AKAP13: variants seen among roughly 807,000 people sequenced by gnomAD.
AKAP13 encodes the protein A-kinase anchor protein 13.
A neutral mutation model predicts 264.5 loss-of-function variants in AKAP13; 80 were observed. That is an observed-to-expected ratio of 0.30 (90% confidence interval 0.25 to 0.36). AKAP13 has a LOEUF of 0.36. AKAP13 is among the 10% of genes least tolerant of loss of function. The probability of loss-of-function intolerance (pLI) is 1.00; values close to 1 mark genes in which losing one functional copy is unlikely to be tolerated. For missense variants in AKAP13, 3,712 were observed against 3,435.2 expected, an observed-to-expected ratio of 1.08 and a Z score of -2.01; for synonymous variants, 1,380 against 1,250.2, an observed-to-expected ratio of 1.10 and a Z score of -2.19.
chr15:85,589,664 C>G lies in AKAP13; in HGVS notation c.4161+3841C>G, dbSNP rs192361434. Among the ~76,000 whole-genome samples, 9 of 145,130 alleles carry G rather than the reference C, an allele frequency of 6.2e-5. No individual in the cohort carries two copies. In the South Asian group the frequency reaches 1.8e-3, roughly 28 times the overall value. On this transcript the variant is annotated intron_variant, in intron 8 of 36. Coordinates refer to ENST00000394518, the MANE Select transcript of AKAP13 (RefSeq NM_007200.5). The stretch of plus-strand genomic sequence containing the variant: ...CCGGGAGGTTGCAGTGAGCCGAGAT[C>G]GCACCACTGCACTCCAGCCTGGGCG...
At chr15:85,490,248 A>G (rs2075684908) in intron 2 of AKAP13, among the ~76,000 whole-genome samples, 1 of 152,232 alleles carries the variant, frequency 6.6e-6, no homozygotes, top group Non-Finnish European at 1.5e-5. Context: ...ATTAGACTAT[A>G]GGGAGTGAAA....
intron 1 of AKAP13, among the ~76,000 whole-genome samples, chr15:85,385,812 C>G (rs547049578): frequency 1.3e-5 from 2 of 152,002 alleles, no homozygotes; most frequent in Non-Finnish European, 2.9e-5. Context: ...TTTTACTTGT[C>G]TTAATAATGT....
chr15:85,725,559 C>T lies in AKAP13; in HGVS notation c.6746-851C>T, dbSNP rs971535567. ...TTTCTTCATAGCTTTGCAGTGAATTCCACAGAAAGGGGATTTCAGTTGCGG... is the reference window on the plus strand; with the variant it reads ...TTTCTTCATAGCTTTGCAGTGAATTTCACAGAAAGGGGATTTCAGTTGCGG... On this transcript the variant is annotated intron_variant, in intron 26 of 36. Transcript: ENST00000394518. Among the ~76,000 whole-genome samples, 13 of 152,278 alleles carry T rather than the reference C, an allele frequency of 8.5e-5. No homozygotes were observed. The East Asian group carries it at 1.5e-3, about 18-fold the overall frequency.
intron 5 of AKAP13, among the ~76,000 whole-genome samples, chr15:85,562,078 CAA>C: frequency 6.6e-6 from 1 of 152,188 alleles, no homozygotes. Flanking sequence ...TCCTGACCTG[CAA>C]ATTACGGTAA....
chr15:85,415,057 A>G (rs1203227151), intron 1 of AKAP13, among the ~76,000 whole-genome samples: 2 of 152,112 alleles, frequency 1.3e-5, no homozygotes, highest in African/African-American at 4.8e-5. Context: ...TTTTGCTCTC[A>G]GGTTTGGGGT....
In AKAP13 at chr15:85,746,223, A is replaced by C. The variant is rs554796734; in HGVS notation, c.*1546A>C. The C allele has an allele frequency of 2.0e-5, 3 of 152,642 alleles. No homozygotes were observed. Among genetic ancestry groups the C allele is most frequent in the African/African-American group, 2.4e-5 (1 of 41,520 alleles). 9.5% of individuals were successfully genotyped at this position (152,642 alleles called of 1,614,324 possible). On this transcript the variant is annotated 3_prime_UTR_variant, in exon 37 of 37. Coordinates refer to ENST00000394518, the MANE Select transcript of AKAP13 (RefSeq NM_007200.5). ...TTGCAAGCTGGCCTTGCAGATGGAG[A>C]TATTTATCTTTCAGTTTATTTGAAA...
chr15:85,557,674 G>T (rs1490203863), intron 5 of AKAP13, among the ~76,000 whole-genome samples: 2 of 152,056 alleles, frequency 1.3e-5, no homozygotes, highest in East Asian at 3.9e-4. Flanking sequence ...ATGAGGTCTT[G>T]TATGTTGCCC....
intron 3 of AKAP13, among the ~76,000 whole-genome samples, chr15:85,528,299 G>T (rs548174974): frequency 1.8e-4 from 28 of 152,202 alleles, no homozygotes; most frequent in Middle Eastern, 3.4e-3. Flanking sequence ...TCTCACCTAG[G>T]TGCTCCTTGT....
At chr15:85,454,279 TCTGTTGGTCAGA>T in intron 1 of AKAP13, among the ~76,000 whole-genome samples, 1 of 152,242 alleles carries the variant, frequency 6.6e-6, no homozygotes, top group East Asian at 1.9e-4. Flanking sequence ...TCCACATGGC[TCTGTTGGTCAGA>T]CTGAAGACTG....
chr15:85,601,598 C>T (rs996118800), intron 8 of AKAP13, among the ~76,000 whole-genome samples: 10 of 87,076 alleles, frequency 1.1e-4, no homozygotes, highest in Non-Finnish European at 5.3e-5. Context: ...TCTTCTCTCA[C>T]CTGAATTCTT....
At chr15:85,688,893 G>GA (rs762777551) in intron 16 of AKAP13, among the ~76,000 whole-genome samples, 5 of 152,196 alleles carry the variant, frequency 3.3e-5, no homozygotes, top group Non-Finnish European at 7.3e-5. Context: ...TAGTATCTTT[G>GA]AGAGATAGTG....
intron 2 of AKAP13, among the ~76,000 whole-genome samples, chr15:85,498,094 G>A (rs994752483): frequency 3.3e-5 from 5 of 151,782 alleles, no homozygotes; most frequent in African/African-American, 1.2e-4. Flanking sequence ...GAATGGTGTA[G>A]CATCAATGAG....
chr15:85,511,046 C>G (rs1001353512), intron 2 of AKAP13, among the ~76,000 whole-genome samples: 3 of 151,900 alleles, frequency 2.0e-5, no homozygotes, highest in Admixed American at 6.6e-5. Flanking sequence ...CCATTTAAGG[C>G]TAGAGAAAAA....
chr15:85,426,932 C>T (rs1466235929), intron 1 of AKAP13, among the ~76,000 whole-genome samples: 1 of 151,094 alleles, frequency 6.6e-6, no homozygotes, highest in Non-Finnish European at 1.5e-5. Flanking sequence ...TTCCACACAA[C>T]CTCCTTAGTA....
intron 5 of AKAP13, among the ~76,000 whole-genome samples, chr15:85,560,128 T>TAAA (rs55715424): frequency 2.6e-4 from 14 of 54,580 alleles, no homozygotes; most frequent in African/African-American, 7.3e-4. Flanking sequence ...TGTCTCCACC[T>TAAA]AAAAAAAAAA....
intron 5 of AKAP13, among the ~76,000 whole-genome samples, chr15:85,562,883 TTTGTA>T (rs1158348502): frequency 3.4e-5 from 5 of 147,142 alleles, no homozygotes; most frequent in African/African-American, 1.0e-4. Context: ...TTTTTTTTTT[TTTGTA>T]TTTTTAGTAG....
intron 1 of AKAP13, among the ~76,000 whole-genome samples, chr15:85,454,940 C>A (rs2074233598): frequency 1.3e-5 from 2 of 152,146 alleles, no homozygotes; most frequent in South Asian, 4.1e-4. Context: ...TTTTTAGGCA[C>A]CAAAAATCAC....
rs1333770431 is a variant in AKAP13, at chr15:85,563,352, TTTA to T, written c.663-11778_663-11776del. 7.1e-4 allele frequency among the ~76,000 whole-genome samples: 88 copies of T among 124,430 alleles called. 1 individual carries two copies. The highest frequency in any genetic ancestry group is 1.3e-3 in the Admixed American group (17 of 13,398). The allele number at this position is 124,430 out of a possible 152,430, so 81.6% of individuals were successfully genotyped here. ...TTGTTTTTTTTTTTTTTTTTTTTTTTTTAAAGACGGAGAATGAGAATTTGGGCT... is the reference window on the plus strand; with the variant it reads ...TTGTTTTTTTTTTTTTTTTTTTTTTTAAGACGGAGAATGAGAATTTGGGCT... On this transcript the variant is annotated intron_variant, in intron 5 of 36. Coordinates refer to ENST00000394518, the MANE Select transcript of AKAP13 (RefSeq NM_007200.5).
chr15:85,715,969 C>A, intron 20 of AKAP13, 46 bp downstream of exon 20: 1 of 1,578,992 alleles, frequency 6.3e-7, no homozygotes, highest in South Asian at 1.2e-5. Flanking sequence ...TCTAGGTGAC[C>A]AGAGCATAAT....
Sources: allele counts gnomAD v4.1 joint callset (sites outside exome capture counted in the v4.1 genomes callset), GRCh38; gene constraint gnomAD v4.1.1; transcripts MANE v1.5; gene names NCBI Gene and HGNC (gene_info 2026-07-23, HGNC 2026-07-21).